Variants in TRIP12 observed in about 807,000 individuals in gnomAD.
The protein encoded by TRIP12 is thyroid hormone receptor interactor 12, also known as E3 ubiquitin-protein ligase TRIP12.
TRIP12 carries 25 observed loss-of-function variants against 244.2 expected under a neutral mutation model. The observed-to-expected ratio is 0.10, with a 90% CI of 0.07 to 0.14. The LOEUF (loss-of-function observed/expected upper bound fraction) is 0.14. Among genes scored for constraint, TRIP12 ranks in the 10% least tolerant of loss-of-function variants. The pLI, the probability that TRIP12 is intolerant of heterozygous loss-of-function variation, is 1.00. For synonymous variants in TRIP12, 905 were observed against 873.1 expected, an observed-to-expected ratio of 1.04 and a Z score of -0.64; for missense variants, 1,677 against 2,486.4, an observed-to-expected ratio of 0.67 and a Z score of 6.92.
At chr2:229,793,195 T>C in intron 26 of TRIP12, 50 bp from the exon 27 acceptor site, 3 of 1,550,812 alleles carry the variant, frequency 1.9e-6, no homozygotes, top group Non-Finnish European at 2.6e-6. Flanking sequence ...TCACATTTAA[T>C]ATACATTAAT....
At chr2:229,886,858 G>C (rs2066132510) in intron 1 of TRIP12, among the ~76,000 whole-genome samples, 1 of 152,128 alleles carries the variant, frequency 6.6e-6, no homozygotes, top group African/African-American at 2.4e-5. Flanking sequence ...TAAAGTATGG[G>C]TTACGTGTAT....
chr2:229,802,531 T>A (rs1363168353), intron 20 of TRIP12, 72 bp from the exon 21 acceptor site: 1 of 1,165,928 alleles, frequency 8.6e-7, no homozygotes, highest in Non-Finnish European at 1.2e-6. Context: ...CATTACAAAA[T>A]CCCTAAATAC....
chr2:229,899,579 G>A (rs1250364178), intron 1 of TRIP12, among the ~76,000 whole-genome samples: 8 of 152,054 alleles, frequency 5.3e-5, no homozygotes, highest in African/African-American at 2.4e-5. Context: ...TCAGACCAAC[G>A]GAAGACCAAA....
chr2:229,904,103 TAGC>T (rs1312426541), intron 1 of TRIP12, among the ~76,000 whole-genome samples: 1 of 152,036 alleles, frequency 6.6e-6, no homozygotes, highest in Non-Finnish European at 1.5e-5. Flanking sequence ...AGTACAAAGC[TAGC>T]ATTTTTAAAA....
intron 31 of TRIP12, among the ~76,000 whole-genome samples, chr2:229,789,175 C>G (rs1325844255): frequency 6.6e-6 from 1 of 152,222 alleles, no homozygotes; most frequent in Admixed American, 6.5e-5. Flanking sequence ...CGCCCAGCCA[C>G]TGCTGCTGGC....
rs921088336 is a variant in TRIP12, at chr2:229,765,008, C to T, written c.*2546G>A. The stretch of plus-strand genomic sequence containing the variant: ...AGGCATCTAAAACTCCGTGTCTGCT[C>T]CCAATTAGTCTACCTAGAACTTACA... On this transcript the variant is annotated 3_prime_UTR_variant, in exon 42 of 42. Transcript: ENST00000675903. 1.3e-5 allele frequency: 2 copies of T among 152,126 alleles called. No individual in the cohort carries two copies. The highest frequency in any genetic ancestry group is 4.8e-5 in the African/African-American group (2 of 41,434). 9.4% of individuals were successfully genotyped at this position (152,126 alleles called of 1,614,324 possible).
intron 1 of TRIP12, among the ~76,000 whole-genome samples, chr2:229,904,687 T>C (rs2072173348): frequency 6.6e-6 from 1 of 152,162 alleles, no homozygotes; most frequent in Non-Finnish European, 1.5e-5. Flanking sequence ...TTTTAACAAT[T>C]GCTCTATACT....
chr2:229,912,963 A>G (rs913746229), intron 1 of TRIP12, among the ~76,000 whole-genome samples: 4 of 152,076 alleles, frequency 2.6e-5, no homozygotes, highest in Non-Finnish European at 5.9e-5. Flanking sequence ...TCCTGGGTTC[A>G]AGCAATCCTC....
At position 229,815,374 on chromosome 2, in the gene TRIP12, C is replaced by T; in HGVS notation, c.1600-66G>A. ...GGGAAAATCCTAGAGGTATTTCTTC[C>T]TCTTCTATTTGAACTTCAACTGAAA... On this transcript the variant is annotated intron_variant, in intron 9 of 41. Coordinates refer to ENST00000675903, the MANE Select transcript of TRIP12 (RefSeq NM_001348323.3). 8 of 943,678 alleles carry T rather than the reference C, an allele frequency of 8.5e-6. No individual in the cohort carries two copies. In the South Asian group the frequency reaches 1.3e-4, roughly 16 times the overall value. The allele number at this position is 943,678 out of a possible 1,614,324, so 58.5% of individuals were successfully genotyped here.
chr2:229,822,069 G>A (rs1176396750), intron 8 of TRIP12, among the ~76,000 whole-genome samples: 1 of 152,194 alleles, frequency 6.6e-6, no homozygotes, highest in East Asian at 1.9e-4. Context: ...GAACTCGGGA[G>A]GCAGAGGTTG....
chr2:229,904,076 A>G (rs1031900192), intron 1 of TRIP12, among the ~76,000 whole-genome samples: 3 of 152,016 alleles, frequency 2.0e-5, no homozygotes, highest in Non-Finnish European at 2.9e-5. Flanking sequence ...TTAAAAAAGC[A>G]TGGCTTCACA....
chr2:229,867,150 T>A (rs1234910030), intron 2 of TRIP12, among the ~76,000 whole-genome samples: 2 of 98,322 alleles, frequency 2.0e-5, no homozygotes, highest in Admixed American at 1.4e-4. Context: ...ACAGGGAAGG[T>A]TTTTTTTTGT....
chr2:229,856,892 A>T (rs1242017521), intron 4 of TRIP12, among the ~76,000 whole-genome samples: 1 of 152,226 alleles, frequency 6.6e-6, no homozygotes, highest in Non-Finnish European at 1.5e-5. Flanking sequence ...CTGCATATTT[A>T]AAATACCAAA....
intron 5 of TRIP12, among the ~76,000 whole-genome samples, chr2:229,840,339 G>A (rs539741995): frequency 1.2e-4 from 18 of 152,184 alleles, no homozygotes; most frequent in African/African-American, 4.1e-4. Flanking sequence ...ATATTGCGGA[G>A]AAATTCACAA....
chr2:229,796,749 G>A lies in TRIP12; in HGVS notation c.3658C>T (p.Arg1220Cys), dbSNP rs143058668. ...DGGAECLVEI[R>C]SIVSESDVSS... ...ACATCTGACTCTGAGACTATGCTAC[G>A]GATTTCTACAAGGCACTCAGCTCCA... The change falls in exon 25 of 42, where the codon CGT becomes TGT. Residue 1220 changes from arginine (R) to cysteine (C), a missense_variant. By Grantham distance (180) the Arg-to-Cys change is radical (BLOSUM62 -3). Transcript: ENST00000675903. 17 of 1,600,320 alleles carry A rather than the reference G, an allele frequency of 1.1e-5. No individual in the cohort carries two copies. The highest frequency in any genetic ancestry group is 5.4e-5 in the African/African-American group (4 of 74,124).
chr2:229,768,535 T>A, intron 41 of TRIP12, 81 bp downstream of exon 41: 9 of 1,278,964 alleles, frequency 7.0e-6, no homozygotes, highest in East Asian at 2.3e-5. Context: ...ATAAAGAATC[T>A]CCTGCTGATG....
At chr2:229,803,977 T>G in intron 19 of TRIP12, 22 bp downstream of exon 19, 2 of 1,570,072 alleles carry the variant, frequency 1.3e-6, no homozygotes, top group Admixed American at 1.9e-5. Context: ...GTAAAATGTT[T>G]CTACTATTTT....
At chr2:229,864,004 A>AAGAGAGAGAGAGAGAGAGAGAGAG (rs1163408528) in intron 2 of TRIP12, among the ~76,000 whole-genome samples, 5 of 81,352 alleles carry the variant, frequency 6.1e-5, no homozygotes, top group South Asian at 4.4e-4. Flanking sequence ...ATTTGGGTGA[A>AAGAGAGAGAGAGAGAGAGAGAGAG]AGAGAGAGAG....
intron 19 of TRIP12, 62 bp from the exon 20 acceptor site, chr2:229,803,751 T>C (rs1026701189): frequency 7.1e-6 from 9 of 1,275,440 alleles, no homozygotes; most frequent in Non-Finnish European, 7.8e-6. Context: ...TTTTTGGCCA[T>C]ACTACTTTAA....
Sources: gnomAD v4.1 joint callset for allele counts (sites outside exome capture counted in the v4.1 genomes callset) on GRCh38, gnomAD v4.1.1 for gene constraint, MANE v1.5 for transcripts, NCBI Gene and HGNC (gene_info 2026-07-23, HGNC 2026-07-21) for gene names.